CNTLN: variants seen among roughly 807,000 people sequenced by gnomAD.
CNTLN encodes the protein centlein, also known as centlein, centrosomal protein.
CNTLN carries 212 observed loss-of-function variants against 180.0 expected under a neutral mutation model. The observed-to-expected ratio is 1.18, with a 90% CI of 1.05 to 1.32. CNTLN has a LOEUF of 1.32. Among genes scored for constraint, CNTLN ranks in the 40% most tolerant of loss-of-function variants. CNTLN has a pLI of 0.00. For missense variants in CNTLN, 2,095 were observed against 1,610.9 expected, an observed-to-expected ratio of 1.30 and a Z score of -5.14; for synonymous variants, 722 against 563.1, an observed-to-expected ratio of 1.28 and a Z score of -3.99.
intron 2 of CNTLN, among the ~76,000 whole-genome samples, chr9:17,204,915 T>C (rs763740708): frequency 5.9e-5 from 9 of 152,214 alleles, no homozygotes; most frequent in African/African-American, 1.9e-4. Context: ...AGTAGCAGTC[T>C]GGCCACAACC....
chr9:17,236,389 CT>C lies in CNTLN; in HGVS notation c.670-18del. 1 of 1,541,472 alleles carries C rather than the reference CT, an allele frequency of 6.5e-7. No individual in the cohort carries two copies. Among genetic ancestry groups the C allele is most frequent in the Non-Finnish European group, 8.7e-7 (1 of 1,150,104 alleles). On this transcript the variant is annotated intron_variant, in intron 4 of 25. Transcript: ENST00000380647. ...TTTCGTTTTGTTTTATTTATTTGCCCTTGTGGTACTGTTCTACAGGACACTA... is the reference window on the plus strand; with the variant it reads ...TTTCGTTTTGTTTTATTTATTTGCCCTGTGGTACTGTTCTACAGGACACTA...
chr9:17,407,234 A>G (rs945454774), intron 15 of CNTLN, among the ~76,000 whole-genome samples: 1 of 152,208 alleles, frequency 6.6e-6, no homozygotes, highest in African/African-American at 2.4e-5. Context: ...GTAATTCTAT[A>G]GTTGGTGTTT....
At position 17,439,005 on chromosome 9, in the gene CNTLN, A is replaced by G. The variant is rs527815843; in HGVS notation, c.3115-18519A>G. 3.1e-4 allele frequency among the ~76,000 whole-genome samples: 47 copies of G among 152,304 alleles called. No individual in the cohort carries two copies. The South Asian group carries it at 8.5e-3, about 28-fold the overall frequency. On this transcript the variant is annotated intron_variant, in intron 18 of 25. Coordinates refer to ENST00000380647, the MANE Select transcript of CNTLN (RefSeq NM_017738.4). The stretch of plus-strand genomic sequence containing the variant: ...ATATACTTTATCATTCTCTATGCCA[A>G]CTGCTGCTTATTAGAATCAGTTCAT...
At chr9:17,500,213 G>C (rs1011221127) in intron 25 of CNTLN, among the ~76,000 whole-genome samples, 9 of 152,266 alleles carry the variant, frequency 5.9e-5, no homozygotes, top group Middle Eastern at 3.4e-3. Flanking sequence ...TAACTCTGAG[G>C]CTTTGAGTTT....
At chr9:17,306,181 G>C (rs1554683825) in intron 7 of CNTLN, among the ~76,000 whole-genome samples, 1 of 118,846 alleles carries the variant, frequency 8.4e-6, no homozygotes, top group Non-Finnish European at 1.7e-5. Flanking sequence ...TTTGAGTCTT[G>C]CCCTGTTGTC....
At position 17,342,327 on chromosome 9, in the gene CNTLN, C is replaced by A. The variant is rs985503843; in HGVS notation, c.1769C>A (p.Thr590Asn). The A allele has an allele frequency of 6.8e-6, 11 of 1,611,150 alleles. 1 individual carries two copies. The Middle Eastern group carries it at 4.9e-4, about 72-fold the overall frequency. The change falls in exon 12 of 26, where the codon ACT becomes AAT. Residue 590 changes from threonine to asparagine, a missense_variant and splice_region_variant. Coordinates refer to ENST00000380647, the MANE Select transcript of CNTLN (RefSeq NM_017738.4). ...AAGCAACTTTGTTTTAAAAATAGGACTGAAATCAGGAAAATAAAGAGAGCA... is the reference window on the plus strand; with the variant it reads ...AAGCAACTTTGTTTTAAAAATAGGAATGAAATCAGGAAAATAAAGAGAGCA... ...LKQWEEGSGM[T>N]EIRKIKRADP...
At chr9:17,303,793 A>G (rs985988784) in intron 7 of CNTLN, among the ~76,000 whole-genome samples, 1 of 152,164 alleles carries the variant, frequency 6.6e-6, no homozygotes, top group Non-Finnish European at 1.5e-5. Context: ...TATTTATTCA[A>G]AATTTCAAAC....
intron 2 of CNTLN, among the ~76,000 whole-genome samples, chr9:17,193,970 C>T (rs1248142993): frequency 6.6e-6 from 1 of 152,222 alleles, no homozygotes; most frequent in Non-Finnish European, 1.5e-5. Context: ...GCTGCCAAGG[C>T]TTGGGGCTTG....
intron 5 of CNTLN, among the ~76,000 whole-genome samples, chr9:17,264,683 A>T (rs943417484): frequency 2.8e-4 from 42 of 148,390 alleles, no homozygotes; most frequent in African/African-American, 1.0e-3. Context: ...TGAACATGGA[A>T]TGTTCTTCCA....
At chr9:17,225,647 A>C (rs1489342947) in intron 2 of CNTLN, among the ~76,000 whole-genome samples, 1 of 151,912 alleles carries the variant, frequency 6.6e-6, no homozygotes, top group Non-Finnish European at 1.5e-5. Flanking sequence ...TATTTGTTTT[A>C]GAAGATAGTC....
At chr9:17,186,044 G>A (rs1821418942) in intron 2 of CNTLN, among the ~76,000 whole-genome samples, 1 of 152,070 alleles carries the variant, frequency 6.6e-6, no homozygotes, top group South Asian at 2.1e-4. Context: ...CTCCTGCCTT[G>A]GCCTCCCAGA....
At chr9:17,513,987 A>G in the CNTLN span, among the ~76,000 whole-genome samples, 1 of 152,180 alleles carries the variant, frequency 6.6e-6, no homozygotes, top group Non-Finnish European at 1.5e-5. Context: ...CTAGCCAAAT[A>G]TAAATAACCC....
chr9:17,388,828 A>G (rs1026248286), intron 14 of CNTLN, among the ~76,000 whole-genome samples: 2 of 147,080 alleles, frequency 1.4e-5, no homozygotes, highest in African/African-American at 5.0e-5. Flanking sequence ...TAATAGTAAA[A>G]TACTGTTTTA....
intron 12 of CNTLN, among the ~76,000 whole-genome samples, chr9:17,361,479 A>T (rs1027744557): frequency 6.6e-6 from 1 of 152,194 alleles, no homozygotes; most frequent in Non-Finnish European, 1.5e-5. Flanking sequence ...TTCTGTTTAT[A>T]GCTCCTGTTG....
chr9:17,137,545 A>G (rs1167303241), intron 1 of CNTLN, among the ~76,000 whole-genome samples: 1 of 152,178 alleles, frequency 6.6e-6, no homozygotes, highest in East Asian at 1.9e-4. Flanking sequence ...ATATTTTCAG[A>G]AAGAATACAT....
Position 17,201,541 on chromosome 9 carries a change from A to C in CNTLN, c.450-24662A>C, listed in dbSNP as rs1005092027. 3.9e-5 allele frequency among the ~76,000 whole-genome samples: 6 copies of C among 152,048 alleles called. No homozygotes were observed. The South Asian group carries it at 1.2e-3, about 32-fold the overall frequency. Reference sequence around the variant, plus strand: ...TGTTATTGGTCTATTCAGGGATTCGACTTCTTTCTGGTTTAGTCTTGGGAG... The same window carrying C: ...TGTTATTGGTCTATTCAGGGATTCGCCTTCTTTCTGGTTTAGTCTTGGGAG... On this transcript the variant is annotated intron_variant, in intron 2 of 25. Coordinates refer to ENST00000380647, the MANE Select transcript of CNTLN (RefSeq NM_017738.4).
intron 18 of CNTLN, among the ~76,000 whole-genome samples, chr9:17,432,157 C>A (rs1242602631): frequency 6.6e-6 from 1 of 151,724 alleles, no homozygotes; most frequent in African/African-American, 2.4e-5. Context: ...AAATAGCAGA[C>A]CACTAGAGAC....
At chr9:17,146,907 G>A (rs940868667) in intron 2 of CNTLN, among the ~76,000 whole-genome samples, 13 of 149,916 alleles carry the variant, frequency 8.7e-5, no homozygotes, top group African/African-American at 3.2e-4. Context: ...CATTATCTTT[G>A]TTTTCTGTTG....
chr9:17,292,689 A>G (rs1004078753), intron 6 of CNTLN, among the ~76,000 whole-genome samples: 4 of 152,132 alleles, frequency 2.6e-5, no homozygotes, highest in Admixed American at 6.5e-5. Flanking sequence ...TATTCTGGTT[A>G]ACAGCTCCTG....
Sources: allele counts gnomAD v4.1 joint callset (sites outside exome capture counted in the v4.1 genomes callset), GRCh38; gene constraint gnomAD v4.1.1; transcripts MANE v1.5; gene names NCBI Gene and HGNC (gene_info 2026-07-23, HGNC 2026-07-21).